DLG1: variants seen among roughly 807,000 people sequenced by gnomAD.
DLG1 encodes discs large MAGUK scaffold protein 1.
In DLG1, 42 loss-of-function variants were observed where a neutral mutation model predicts 123.4. That is an observed-to-expected ratio of 0.34 (90% CI 0.27 to 0.44). The LOEUF is 0.44. Ranked by LOEUF, DLG1 falls within the 20% of genes least tolerant of loss-of-function variation. The pLI, the probability that DLG1 is intolerant of heterozygous loss-of-function variation, is 1.00. For synonymous variants in DLG1, 317 were observed against 356.2 expected (o/e 0.89, Z 1.24); for missense variants, 942 against 1,082.6 (o/e 0.87, Z 1.82).
intron 5 of DLG1, among the ~76,000 whole-genome samples, chr3:197,177,519 G>A (rs943324128): frequency 3.3e-5 from 5 of 152,132 alleles, no homozygotes; most frequent in African/African-American, 7.2e-5. Flanking sequence ...AAATGAATGT[G>A]GTATGTACCG....
At chr3:197,248,783 G>A (rs1752994090) in intron 4 of DLG1, among the ~76,000 whole-genome samples, 1 of 152,216 alleles carries the variant, frequency 6.6e-6, no homozygotes, top group South Asian at 2.1e-4. Flanking sequence ...TCGGCTACAA[G>A]CTTGGTGGAC....
chr3:197,123,865 T>C (rs189355096), intron 11 of DLG1, among the ~76,000 whole-genome samples: 1 of 152,228 alleles, frequency 6.6e-6, no homozygotes, highest in East Asian at 1.9e-4. Context: ...TACAATGGAA[T>C]AATACATAGC....
At chr3:197,196,780 G>C (rs1246782927) in intron 4 of DLG1, among the ~76,000 whole-genome samples, 1 of 152,038 alleles carries the variant, frequency 6.6e-6, no homozygotes, top group Non-Finnish European at 1.5e-5. Context: ...AATGAGGAAA[G>C]GATGTTTCAA....
At chr3:197,108,209 A>G (rs1395153791) in intron 13 of DLG1, among the ~76,000 whole-genome samples, 2 of 151,966 alleles carry the variant, frequency 1.3e-5, no homozygotes, top group Admixed American at 1.3e-4. Context: ...CCAGGTTGTT[A>G]TTTTGTTGAT....
chr3:197,277,303 A>C (rs1431510613), intron 4 of DLG1, among the ~76,000 whole-genome samples: 1 of 151,180 alleles, frequency 6.6e-6, no homozygotes, highest in East Asian at 2.0e-4. Flanking sequence ...GAAATGTCCC[A>C]TTAAATCAGG....
chr3:197,078,900 G>A (rs1749074593), intron 17 of DLG1, among the ~76,000 whole-genome samples: 1 of 152,124 alleles, frequency 6.6e-6, no homozygotes, highest in Non-Finnish European at 1.5e-5. Flanking sequence ...GAAACATGAA[G>A]TTTAAAATGT....
At chr3:197,282,922 C>T in intron 3 of DLG1, 77 bp from the exon 4 acceptor site, 1 of 821,134 alleles carries the variant, frequency 1.2e-6, no homozygotes, top group Non-Finnish European at 1.9e-6. Flanking sequence ...CAACATAACT[C>T]AAAAGCACAA....
intron 23 of DLG1, among the ~76,000 whole-genome samples, chr3:197,053,949 A>G (rs6768653): frequency 0.96 from 145,239 of 151,894 alleles, 69,497 homozygotes; most frequent in East Asian, 1. Flanking sequence ...AAAATTAGCC[A>G]GGCGTGGCGG....
intron 13 of DLG1, among the ~76,000 whole-genome samples, chr3:197,110,410 T>C (rs952441453): frequency 2.0e-5 from 3 of 152,226 alleles, no homozygotes; most frequent in Admixed American, 6.5e-5. Context: ...TTTACTTTCA[T>C]GTCAGTCTAC....
At chr3:197,161,657 G>A (rs1798816712) in intron 5 of DLG1, 1 of 1,545,124 alleles carries the variant, frequency 6.5e-7, no homozygotes, top group African/African-American at 1.4e-5. Flanking sequence ...ATGGTGGGTA[G>A]GATGACAGTA....
chr3:197,179,734 TTCTC>T (rs975358974), intron 5 of DLG1, among the ~76,000 whole-genome samples: 3 of 152,162 alleles, frequency 2.0e-5, no homozygotes, highest in African/African-American at 7.2e-5. Flanking sequence ...GATACTGTTA[TTCTC>T]TCTATTGGAC....
chr3:197,246,109 AT>A (rs1247612261), intron 4 of DLG1, among the ~76,000 whole-genome samples: 2 of 152,242 alleles, frequency 1.3e-5, no homozygotes, highest in South Asian at 2.1e-4. Context: ...ATTGCAAACA[AT>A]TCACATGTTT....
rs779951087 is a variant in DLG1, at chr3:197,208,686, C to T, written c.319-14097G>A. On this transcript the variant is annotated intron_variant, in intron 4 of 24. Transcript: ENST00000667157. ...ATAGACTACACTCCTGTGTGTGTGG[C>T]GGGGTGGGGGTAGTTGGGGGGATAG... Among the ~76,000 whole-genome samples the T allele has an allele frequency of 1.2e-4, 16 of 129,090 alleles. 2 individuals carry two copies. Among genetic ancestry groups the T allele is most frequent in the African/African-American group, 3.3e-4 (12 of 36,022 alleles). The allele number at this position is 129,090 out of a possible 152,430, so 84.7% of individuals were successfully genotyped here.
intron 4 of DLG1, among the ~76,000 whole-genome samples, chr3:197,197,872 GT>G (rs1723370251): frequency 6.6e-6 from 1 of 152,332 alleles, no homozygotes; most frequent in Admixed American, 6.5e-5. Context: ...TTTTGGACAT[GT>G]GTGTGCCAAG....
chr3:197,046,690 C>T (rs184334261), intron 24 of DLG1, among the ~76,000 whole-genome samples: 16 of 151,974 alleles, frequency 1.1e-4, no homozygotes, highest in Admixed American at 3.3e-4. Context: ...GGCAACATGG[C>T]GAAATCCTGT....
At chr3:197,294,999 G>C (rs1301194998) in intron 3 of DLG1, among the ~76,000 whole-genome samples, 1 of 152,078 alleles carries the variant, frequency 6.6e-6, no homozygotes, top group Non-Finnish European at 1.5e-5. Context: ...TGTTGATTTA[G>C]AAAACAAATA....
At position 197,059,878 on chromosome 3, in the gene DLG1, T is replaced by C. The variant is rs1734582129; in HGVS notation, c.2483+11A>G. 5.0e-6 allele frequency: 8 copies of C among 1,587,080 alleles called. No individual in the cohort carries two copies. The East Asian group carries it at 1.8e-4, about 36-fold the overall frequency. ...GTACACAGAGGCTATGCCTTAGGCA[T>C]TTACACTTACATGATATTTTCCATG... On this transcript the variant is annotated intron_variant, in intron 23 of 24. Transcript: ENST00000667157.
At chr3:197,113,590 G>A (rs1771327195) in intron 13 of DLG1, among the ~76,000 whole-genome samples, 1 of 152,036 alleles carries the variant, frequency 6.6e-6, no homozygotes, top group African/African-American at 2.4e-5. Flanking sequence ...TTTGCATAGT[G>A]TACCTTTTTT....
intron 3 of DLG1, among the ~76,000 whole-genome samples, chr3:197,291,984 T>C (rs1775163564): frequency 6.6e-6 from 1 of 152,160 alleles, no homozygotes; most frequent in Non-Finnish European, 1.5e-5. Flanking sequence ...TCGGCAAGGA[T>C]GTGGAGAAAC....
Sources: allele counts gnomAD v4.1 joint callset (sites outside exome capture counted in the v4.1 genomes callset), GRCh38; gene constraint gnomAD v4.1.1; transcripts MANE v1.5; gene names NCBI Gene and HGNC (gene_info 2026-07-23, HGNC 2026-07-21).